The following INVS variants were observed in gnomAD, a reference collection of about 807,000 sequenced individuals.
INVS encodes the protein inversin.
INVS carries 86 observed loss-of-function variants against 108.8 expected under a neutral mutation model. That is an observed-to-expected ratio of 0.79 (90% confidence interval 0.66 to 0.95). The LOEUF is 0.95. INVS is among the 40% of genes least tolerant of loss of function. The pLI is 0.00. For missense variants in INVS, 1,169 were observed against 1,297.4 expected (o/e 0.90, Z 1.52); for synonymous variants, 455 against 473.5 (o/e 0.96, Z 0.51).
intron 2 of INVS, among the ~76,000 whole-genome samples, chr9:100,123,901 G>T (rs1401461923): frequency 1.3e-5 from 2 of 152,182 alleles, no homozygotes; most frequent in Non-Finnish European, 2.9e-5. Context: ...CACCTCCTGG[G>T]TTTAAGTGAT....
chr9:100,257,532 G>A (rs144912211), intron 10 of INVS, among the ~76,000 whole-genome samples: 80 of 152,308 alleles, frequency 5.3e-4, no homozygotes, highest in African/African-American at 1.9e-3. Flanking sequence ...GCATGCTTTT[G>A]TAGTGGCTAG....
intron 8 of INVS, among the ~76,000 whole-genome samples, chr9:100,249,882 A>T (rs995920213): frequency 1.1e-4 from 16 of 151,656 alleles, no homozygotes; most frequent in Non-Finnish European, 1.0e-4. Context: ...TGGCAGGTGG[A>T]TCACCTGAGG....
chr9:100,264,184 A>G (rs940287342), intron 10 of INVS, among the ~76,000 whole-genome samples: 2 of 152,142 alleles, frequency 1.3e-5, no homozygotes, highest in African/African-American at 4.8e-5. Flanking sequence ...CATTTATTTT[A>G]TAGAATTTGA....
rs1442231943 is a variant in INVS, at chr9:100,239,988, A to G, written c.616-72A>G. ...TGTCTCTAAAAAAGAAAGAAAGAAA[A>G]AAATACTTACACCAAATGTAATTTA... is the stretch of plus-strand genomic sequence containing the variant. On this transcript the variant is annotated intron_variant, in intron 5 of 16. Transcript: ENST00000262457. 5.0e-6 allele frequency: 7 copies of G among 1,412,570 alleles called. No individual in the cohort carries two copies. The East Asian group carries it at 1.1e-4, about 23-fold the overall frequency. The allele number at this position is 1,412,570 out of a possible 1,614,324, so 87.5% of individuals were successfully genotyped here. A position where few individuals can be genotyped will look rare whatever the true frequency, so the allele number is the denominator to read the frequency against.
chr9:100,292,129 G>A (rs550943187), intron 13 of INVS, among the ~76,000 whole-genome samples, 197 bp from the exon 14 acceptor site: 38 of 152,140 alleles, frequency 2.5e-4, no homozygotes, highest in Non-Finnish European at 3.7e-4. Flanking sequence ...CTATATTTTC[G>A]TTAAGGCGAG....
At chr9:100,268,851 C>A (rs947973416) in intron 11 of INVS, among the ~76,000 whole-genome samples, 1 of 152,128 alleles carries the variant, frequency 6.6e-6, no homozygotes, top group Non-Finnish European at 1.5e-5. Flanking sequence ...TCACACAGGT[C>A]CCCTGACTCC....
chr9:100,227,933 C>T (rs1831382404), intron 4 of INVS, among the ~76,000 whole-genome samples: 1 of 151,920 alleles, frequency 6.6e-6, no homozygotes, highest in South Asian at 2.1e-4. Context: ...TACTTGAGTA[C>T]ACATAGTTTA....
intron 10 of INVS, among the ~76,000 whole-genome samples, chr9:100,259,862 T>C (rs1832559943): frequency 6.6e-6 from 1 of 151,436 alleles, no homozygotes; most frequent in East Asian, 2.0e-4. Flanking sequence ...ATTACATGAT[T>C]TTCTTTTCTT....
rs182693607 is a variant in INVS at position 100,099,832 on chromosome 9, G to C, written c.-25+416G>C. Reference sequence around the variant, plus strand: ...CTGCGGCTTCTTCTGCAAACACTCAGTGAGGTCCAGGAGCCCACGCGATCT... The same window carrying C: ...CTGCGGCTTCTTCTGCAAACACTCACTGAGGTCCAGGAGCCCACGCGATCT... On this transcript the variant is annotated intron_variant, in intron 1 of 16. Transcript: ENST00000262457. Among the ~76,000 whole-genome samples the C allele has an allele frequency of 2.0e-5, 3 of 152,276 alleles. No homozygotes were observed. In the East Asian group the frequency reaches 5.8e-4, roughly 29 times the overall value.
intron 3 of INVS, chr9:100,131,944 A>T: frequency 1.0e-6 from 1 of 971,384 alleles, no homozygotes; most frequent in Non-Finnish European, 1.2e-6. Context: ...TTTCAGGAAC[A>T]CTTATACCAG....
At chr9:100,149,106 A>T (rs1037808202) in intron 3 of INVS, among the ~76,000 whole-genome samples, 1 of 151,820 alleles carries the variant, frequency 6.6e-6, no homozygotes, top group African/African-American at 2.4e-5. Context: ...TTAGTTAGTT[A>T]AACATTTTCA....
intron 5 of INVS, among the ~76,000 whole-genome samples, chr9:100,233,581 C>T (rs985215811): frequency 5.9e-5 from 9 of 151,912 alleles, no homozygotes; most frequent in East Asian, 1.9e-4. Context: ...TAGCATGAAG[C>T]GGTGTTGAAT....
Position 100,300,933 on chromosome 9 carries a change from G to A in INVS, c.*259G>A. On this transcript the variant is annotated 3_prime_UTR_variant, in exon 17 of 17. Transcript: ENST00000262457. Reference sequence around the variant, plus strand: ...GTCTGTGCAAAGTGCCTGAGTGTCTGCTTTCACCTCAGTCTGTACAGTTGG... The same window carrying A: ...GTCTGTGCAAAGTGCCTGAGTGTCTACTTTCACCTCAGTCTGTACAGTTGG... 1.9e-6 allele frequency: 1 copy of A among 516,988 alleles called. No homozygotes were observed. Among genetic ancestry groups the A allele is most frequent in the Non-Finnish European group, 3.5e-6 (1 of 285,746 alleles). 32.0% of individuals were successfully genotyped at this position (516,988 alleles called of 1,614,324 possible).
chr9:100,169,250 A>C (rs983083299), intron 3 of INVS, among the ~76,000 whole-genome samples: 1 of 152,204 alleles, frequency 6.6e-6, no homozygotes, highest in African/African-American at 2.4e-5. Context: ...TTTCTTCCTT[A>C]GCAAGTGACA....
chr9:100,229,638 C>T lies in INVS; in HGVS notation c.448-22C>T, dbSNP rs7044179. 1.1e-4 allele frequency: 173 copies of T among 1,612,076 alleles called. No individual in the cohort carries two copies. The African/African-American group carries it at 1.7e-3, about 16-fold the overall frequency. On this transcript the variant is annotated intron_variant, in intron 4 of 16. Transcript: ENST00000262457. ...AAGTTAGTTGTTACTGTTGTTATTTCGAGAACCTCTCGATTTTGCAGCAAA... is the reference window on the plus strand; with the variant it reads ...AAGTTAGTTGTTACTGTTGTTATTTTGAGAACCTCTCGATTTTGCAGCAAA...
At chr9:100,252,517 T>G in intron 9 of INVS, 79 bp downstream of exon 9, 1 of 1,337,060 alleles carries the variant, frequency 7.5e-7, no homozygotes, top group Non-Finnish European at 1.1e-6. Flanking sequence ...GATAAAGCTT[T>G]CCTTAGCAGA....
intron 3 of INVS, among the ~76,000 whole-genome samples, chr9:100,135,288 C>G (rs1828189532): frequency 6.6e-6 from 1 of 152,138 alleles, no homozygotes. Flanking sequence ...AAATTTCCCC[C>G]ATCCTTAGCC....
At chr9:100,267,033 A>AG in intron 11 of INVS, among the ~76,000 whole-genome samples, 1 of 150,826 alleles carries the variant, frequency 6.6e-6, no homozygotes, top group East Asian at 1.9e-4. Context: ...AAAAAAAAAA[A>AG]AAAAAAAAAA....
chr9:100,215,890 A>G (rs1472497967), intron 3 of INVS, among the ~76,000 whole-genome samples: 1 of 152,226 alleles, frequency 6.6e-6, no homozygotes, highest in Non-Finnish European at 1.5e-5. Flanking sequence ...TGGGCAAGAT[A>G]CATAAGTCTG....
Sources: gnomAD v4.1 joint callset for allele counts (sites outside exome capture counted in the v4.1 genomes callset) on GRCh38, gnomAD v4.1.1 for gene constraint, MANE v1.5 for transcripts, NCBI Gene and HGNC (gene_info 2026-07-23, HGNC 2026-07-21) for gene names.